The following UBR1 variants were observed in gnomAD, a reference collection of about 807,000 sequenced individuals.
UBR1 encodes E3 ubiquitin-protein ligase UBR1.
A neutral mutation model predicts 242.1 loss-of-function variants in UBR1; 102 were observed. That is an observed-to-expected ratio of 0.42 (90% CI 0.36 to 0.50). UBR1 has a LOEUF of 0.50. Among genes scored for constraint, UBR1 ranks in the 20% least tolerant of loss-of-function variants. UBR1 has a pLI of 0.01. For synonymous variants in UBR1, 675 were observed against 684.8 expected (o/e 0.99, Z 0.22); for missense variants, 1,772 against 2,101.8 (o/e 0.84, Z 3.07).
chr15:43,089,451 C>G (rs759143421), intron 1 of UBR1, among the ~76,000 whole-genome samples: 1 of 149,860 alleles, frequency 6.7e-6, no homozygotes, highest in South Asian at 2.1e-4. Context: ...GCTGAGATTG[C>G]GCCACTGCAT....
chr15:43,091,275 T>C (rs1047166687), intron 1 of UBR1, among the ~76,000 whole-genome samples: 1 of 152,190 alleles, frequency 6.6e-6, no homozygotes, highest in Non-Finnish European at 1.5e-5. Context: ...ACTGGCTTGT[T>C]CAATTTCACA....
intron 15 of UBR1, among the ~76,000 whole-genome samples, chr15:43,040,397 A>G (rs1489176221): frequency 1.3e-5 from 2 of 152,230 alleles, no homozygotes. Flanking sequence ...GGCTAGCCAT[A>G]TGTAGAAAGT....
At position 42,984,876 on chromosome 15, in the gene UBR1, A is replaced by AATATAC; in HGVS notation, c.4053+5_4053+10dup. 1 of 1,609,646 alleles carries AATATAC rather than the reference A, an allele frequency of 6.2e-7. No individual in the cohort carries two copies. Among genetic ancestry groups the AATATAC allele is most frequent in the Non-Finnish European group, 8.5e-7 (1 of 1,176,470 alleles). On this transcript the variant is annotated intron_variant, in intron 36 of 46. Coordinates refer to ENST00000290650, the MANE Select transcript of UBR1 (RefSeq NM_174916.3). ...CCATGAGTTACATGTACCTTGTTGGAATATACATACCTGCCTATTTTGAAG... is the reference window on the plus strand; with the variant it reads ...CCATGAGTTACATGTACCTTGTTGGAATATACATATACATACCTGCCTATTTTGAAG...
chr15:42,973,675 A>T (rs2032242484), intron 39 of UBR1, among the ~76,000 whole-genome samples: 1 of 152,096 alleles, frequency 6.6e-6, no homozygotes, highest in South Asian at 2.1e-4. Flanking sequence ...ACAGTCCTTT[A>T]TCAGAAGTAC....
At chr15:43,014,959 G>A (rs934446790) in intron 29 of UBR1, among the ~76,000 whole-genome samples, 4 of 149,264 alleles carry the variant, frequency 2.7e-5, no homozygotes, top group Non-Finnish European at 3.0e-5. Context: ...CAGCTGCCCT[G>A]TCAGGGAGGG....
intron 18 of UBR1, 33 bp from the exon 19 acceptor site, chr15:43,036,312 G>A (rs762592009): frequency 1.9e-6 from 3 of 1,564,450 alleles, no homozygotes; most frequent in Admixed American, 1.7e-5. Context: ...TATTTCTTCT[G>A]TATTATATGG....
Position 42,988,804 on chromosome 15 carries a change from T to G in UBR1, c.3997+15A>C. ...CTCACTGAAACCTCCAAACCAGTTTTCTTATGAGCTTTACCAATTGCCTGG... is the reference window on the plus strand; with the variant it reads ...CTCACTGAAACCTCCAAACCAGTTTGCTTATGAGCTTTACCAATTGCCTGG... On this transcript the variant is annotated intron_variant, in intron 35 of 46. Coordinates refer to ENST00000290650, the MANE Select transcript of UBR1 (RefSeq NM_174916.3). 1.2e-6 allele frequency: 2 copies of G among 1,614,180 alleles called. No individual in the cohort carries two copies. Among genetic ancestry groups the G allele is most frequent in the Non-Finnish European group, 1.7e-6 (2 of 1,180,034 alleles).
At chr15:43,070,247 C>CT (rs1457996155) in intron 5 of UBR1, among the ~76,000 whole-genome samples, 3 of 69,430 alleles carry the variant, frequency 4.3e-5, no homozygotes, top group Non-Finnish European at 7.8e-5. Context: ...TGAGTTCTAG[C>CT]TAAAAAAAAA....
intron 8 of UBR1, 108 bp downstream of exon 8, chr15:43,059,588 CAAAAAA>C: frequency 3.0e-6 from 3 of 1,012,264 alleles, no homozygotes; most frequent in Non-Finnish European, 2.7e-6. Flanking sequence ...GTGTATAAAC[CAAAAAA>C]AAAAAAAAAA....
intron 27 of UBR1, among the ~76,000 whole-genome samples, chr15:43,017,809 CAA>C (rs879790661): frequency 3.9e-4 from 43 of 110,590 alleles, no homozygotes; most frequent in Admixed American, 6.6e-4. Flanking sequence ...GACCCTGTCT[CAA>C]AAAAAAAAAA....
chr15:43,088,645 T>A (rs1459484722), intron 1 of UBR1, among the ~76,000 whole-genome samples: 1 of 151,968 alleles, frequency 6.6e-6, no homozygotes, highest in Non-Finnish European at 1.5e-5. Context: ...TCTAATTTAA[T>A]ACATGTGGAG....
At chr15:43,079,522 G>A (rs552147681) in intron 3 of UBR1, among the ~76,000 whole-genome samples, 200 of 152,112 alleles carry the variant, frequency 1.3e-3, no homozygotes, top group African/African-American at 4.7e-3. Flanking sequence ...GCTCACGCCT[G>A]TAATTCCAGC....
intron 22 of UBR1, among the ~76,000 whole-genome samples, chr15:43,027,327 T>C (rs2033191006): frequency 6.6e-6 from 1 of 152,102 alleles, no homozygotes; most frequent in Admixed American, 6.5e-5. Flanking sequence ...ACTATCAGTA[T>C]CGATTTTTCA....
At chr15:43,023,780 A>G (rs1417730396) in intron 25 of UBR1, among the ~76,000 whole-genome samples, 1 of 152,122 alleles carries the variant, frequency 6.6e-6, no homozygotes, top group African/African-American at 2.4e-5. Flanking sequence ...GGTAAAGTAA[A>G]CTGGTATAAC....
chr15:43,086,437 GAAAAA>G (rs370942763), intron 1 of UBR1, among the ~76,000 whole-genome samples, 197 bp from the exon 2 acceptor site: 1 of 86,112 alleles, frequency 1.2e-5, no homozygotes. Flanking sequence ...ACCAGTATCT[GAAAAA>G]AAAAAAAAAA....
At chr15:43,104,005 A>T (rs2034268131) in intron 1 of UBR1, among the ~76,000 whole-genome samples, 1 of 152,228 alleles carries the variant, frequency 6.6e-6, no homozygotes, top group Non-Finnish European at 1.5e-5. Flanking sequence ...AAGGGGTTAT[A>T]AAGCTTAACA....
Position 42,977,955 on chromosome 15 carries a change from A to C in UBR1, c.4151-8T>G. On this transcript the variant is annotated splice_region_variant and splice_polypyrimidine_tract_variant and intron_variant, in intron 37 of 46. Coordinates refer to ENST00000290650, the MANE Select transcript of UBR1 (RefSeq NM_174916.3). The stretch of plus-strand genomic sequence containing the variant: ...TTATGTTAGGAAGAACAACTAAAAC[A>C]AACAAAAAGTTAATGTAATTCAGTC... 1 of 1,608,352 alleles carries C rather than the reference A, an allele frequency of 6.2e-7. No homozygotes were observed. Among genetic ancestry groups the C allele is most frequent in the South Asian group, 1.1e-5 (1 of 90,946 alleles).
chr15:43,082,858 A>G (rs2033988766), intron 2 of UBR1, 142 bp from the exon 3 acceptor site: 3 of 698,380 alleles, frequency 4.3e-6, no homozygotes, highest in Non-Finnish European at 7.7e-6. Flanking sequence ...GATTGTTAAA[A>G]TGTTTTGAAC....
At chr15:43,057,189 T>G (rs915922015) in intron 10 of UBR1, among the ~76,000 whole-genome samples, 1 of 152,188 alleles carries the variant, frequency 6.6e-6, no homozygotes, top group Non-Finnish European at 1.5e-5. Flanking sequence ...GGTCCAATAT[T>G]CTATATCTGA....
Sources: gnomAD v4.1 joint callset for allele counts (sites outside exome capture counted in the v4.1 genomes callset) on GRCh38, gnomAD v4.1.1 for gene constraint, MANE v1.5 for transcripts, NCBI Gene and HGNC (gene_info 2026-07-23, HGNC 2026-07-21) for gene names.